DNAJC12: variants seen among roughly 807,000 people sequenced by gnomAD.
DNAJC12 encodes DnaJ heat shock protein family (Hsp40) member C12, also known as dnaJ homolog subfamily C member 12.
A neutral mutation model predicts 28.5 loss-of-function variants in DNAJC12; 25 were observed. The ratio of observed to expected loss-of-function variants is 0.88; its 90% confidence interval spans 0.64 to 1.22. The LOEUF (loss-of-function observed/expected upper bound fraction) is 1.22, where lower values mean the gene tolerates loss of function less well. DNAJC12 is among the 50% of genes most tolerant of loss of function. The pLI, the probability that DNAJC12 is intolerant of heterozygous loss-of-function variation, is 0.00. For missense variants in DNAJC12, 222 were observed against 231.7 expected, an observed-to-expected ratio of 0.96 and a Z score of 0.27; for synonymous variants, 77 against 80.6, an observed-to-expected ratio of 0.95 and a Z score of 0.24.
chr10:67,809,761 C>T (rs10997819), intron 3 of DNAJC12, among the ~76,000 whole-genome samples: 71,928 of 151,978 alleles, frequency 0.47, 21,287 homozygotes, highest in Non-Finnish European at 0.67. Context: ...ATTGTATGTT[C>T]TCCATTATAA....
At chr10:67,800,576 G>A (rs887918099) in intron 4 of DNAJC12, among the ~76,000 whole-genome samples, 2 of 152,162 alleles carry the variant, frequency 1.3e-5, no homozygotes, top group African/African-American at 4.8e-5. Context: ...GTTTGTGGCT[G>A]GAGCCACAAG....
chr10:67,799,079 A>G (rs1282630412), intron 4 of DNAJC12, among the ~76,000 whole-genome samples: 2 of 151,958 alleles, frequency 1.3e-5, no homozygotes, highest in Non-Finnish European at 2.9e-5. Context: ...TTCATTTTTA[A>G]TACTCTTTTT....
chr10:67,835,415 G>C (rs1842132697), intron 1 of DNAJC12, among the ~76,000 whole-genome samples: 1 of 152,138 alleles, frequency 6.6e-6, no homozygotes, highest in Admixed American at 6.5e-5. Context: ...AGAAAAGCCA[G>C]GTGCGGTGGC....
At chr10:67,820,365 A>G (rs1841970013) in intron 2 of DNAJC12, among the ~76,000 whole-genome samples, 1 of 152,236 alleles carries the variant, frequency 6.6e-6, no homozygotes, top group Admixed American at 6.5e-5. Flanking sequence ...AGCTACACAC[A>G]AAAGAGTACA....
chr10:67,819,511 C>G (rs922572896), intron 2 of DNAJC12, among the ~76,000 whole-genome samples: 1 of 150,684 alleles, frequency 6.6e-6, no homozygotes, highest in Non-Finnish European at 1.5e-5. Flanking sequence ...TGATGGCGCA[C>G]GCCTGTAATC....
chr10:67,819,363 G>C (rs925664365), intron 2 of DNAJC12, among the ~76,000 whole-genome samples: 1 of 151,722 alleles, frequency 6.6e-6, no homozygotes, highest in Non-Finnish European at 1.5e-5. Context: ...TTCGGGCTAG[G>C]CTCGGTGGCA....
intron 4 of DNAJC12, among the ~76,000 whole-genome samples, chr10:67,797,920 C>A (rs57963314): frequency 5.3e-5 from 8 of 151,280 alleles, no homozygotes; most frequent in African/African-American, 7.3e-5. Flanking sequence ...GGCGCCTGTA[C>A]TCCCAGCTAC....
At chr10:67,835,008 T>C (rs1255320008) in intron 1 of DNAJC12, among the ~76,000 whole-genome samples, 3 of 152,204 alleles carry the variant, frequency 2.0e-5, no homozygotes, top group Non-Finnish European at 4.4e-5. Flanking sequence ...TTTTCATGGT[T>C]GTATTTTCAA....
At chr10:67,821,644 T>C (rs1053049869) in intron 2 of DNAJC12, among the ~76,000 whole-genome samples, 4 of 152,208 alleles carry the variant, frequency 2.6e-5, no homozygotes, top group Non-Finnish European at 4.4e-5. Flanking sequence ...TCTGTTAGAG[T>C]ATTTTTTATT....
chr10:67,835,717 G>GACAC lies in DNAJC12; in HGVS notation c.78+2213_78+2216dup, dbSNP rs34238470. Among the ~76,000 whole-genome samples the GACAC allele has an allele frequency of 0.037, 4,423 of 118,996 alleles. 420 individuals carry two copies. The East Asian group carries it at 0.39, about 11-fold the overall frequency. 78.1% of individuals were successfully genotyped at this position (118,996 alleles called of 152,430 possible). A position where few individuals can be genotyped will look rare whatever the true frequency, so the allele number is the denominator to read the frequency against. On this transcript the variant is annotated intron_variant, in intron 1 of 4. Transcript: ENST00000225171. Reference sequence around the variant, plus strand: ...AAAACAAAAAAAAGAGAGAAAAAATGACACACACACACACACACACACACA... The same window carrying GACAC: ...AAAACAAAAAAAAGAGAGAAAAAATGACACACACACACACACACACACACACACA...
chr10:67,805,786 G>T lies in DNAJC12; in HGVS notation c.299C>A (p.Ser100Ter). Residue 100 changes from serine to a stop codon, truncating the protein, a stop_gained and splice_region_variant, in exon 4 of 5, where the codon TCA (serine) becomes TAA (stop). Transcript: ENST00000225171. LOFTEE classifies it high-confidence loss of function. The part of the protein sequence containing the change: ...WEALNDSVKT[S>*]MHWVVRGKKD... Reference sequence around the variant, plus strand: ...TTTACCTCTGACAACCCAGTGCATTGACTAAATTAATGTAAAGCAGAGATA... The same window carrying T: ...TTTACCTCTGACAACCCAGTGCATTTACTAAATTAATGTAAAGCAGAGATA... 6.4e-7 allele frequency: 1 copy of T among 1,566,734 alleles called. No homozygotes were observed. The highest frequency in any genetic ancestry group is 1.2e-5 in the South Asian group (1 of 81,840).
At chr10:67,800,047 A>G (rs1408868597) in intron 4 of DNAJC12, among the ~76,000 whole-genome samples, 1 of 151,826 alleles carries the variant, frequency 6.6e-6, no homozygotes, top group Non-Finnish European at 1.5e-5. Context: ...CCTGGGCAAC[A>G]TGGCGAAACC....
Position 67,819,658 on chromosome 10 carries a change from AAG to A in DNAJC12, c.157+3654_157+3655del, listed in dbSNP as rs368262566. Among the ~76,000 whole-genome samples, 198 of 76,464 alleles carry A rather than the reference AAG, an allele frequency of 2.6e-3. 3 individuals are homozygous for A. Among genetic ancestry groups the A allele is most frequent in the African/African-American group, 9.5e-3 (173 of 18,138 alleles). The allele number at this position is 76,464 out of a possible 152,430, so 50.2% of individuals were successfully genotyped here. ...TCACAAAAAAAGAAAGAAAGAAAGA[AAG>A]AGAAAGAAAGAAAGAAAGAAAGAAA... On this transcript the variant is annotated intron_variant, in intron 2 of 4. Coordinates refer to ENST00000225171, the MANE Select transcript of DNAJC12 (RefSeq NM_021800.3).
chr10:67,819,670 GAA>G (rs1203980906), intron 2 of DNAJC12, among the ~76,000 whole-genome samples: 1 of 6,142 alleles, frequency 1.6e-4, no homozygotes, highest in African/African-American at 5.9e-4. Context: ...GAGAAAGAAA[GAA>G]AGAAAGAAAG....
chr10:67,833,879 T>C, intron 1 of DNAJC12: 1 of 481,812 alleles, frequency 2.1e-6, no homozygotes, highest in Non-Finnish European at 4.3e-6. Flanking sequence ...TTTTTCAAAG[T>C]CTATCAAAAT....
intron 4 of DNAJC12, among the ~76,000 whole-genome samples, chr10:67,797,790 C>T (rs754410107): frequency 1.3e-5 from 2 of 152,104 alleles, no homozygotes; most frequent in Non-Finnish European, 2.9e-5. Context: ...CCTGTAATCC[C>T]AGCACTTTGG....
intron 1 of DNAJC12, chr10:67,834,039 C>CA (rs1159927781): frequency 2.2e-6 from 1 of 445,902 alleles, no homozygotes; most frequent in African/African-American, 2.1e-5. Flanking sequence ...TCATAGCAGC[C>CA]AAAATCAGTG....
chr10:67,832,315 G>A (rs1589051190), intron 1 of DNAJC12, among the ~76,000 whole-genome samples: 1 of 150,302 alleles, frequency 6.7e-6, no homozygotes, highest in Admixed American at 6.6e-5. Context: ...TTTTAATACT[G>A]ATTTAATTGA....
At chr10:67,800,892 G>A (rs1006297687) in intron 4 of DNAJC12, among the ~76,000 whole-genome samples, 2 of 151,738 alleles carry the variant, frequency 1.3e-5, no homozygotes, top group African/African-American at 2.4e-5. Context: ...GCAGTGAGCC[G>A]AGGTGGTGCC....
Sources: allele counts gnomAD v4.1 joint callset (sites outside exome capture counted in the v4.1 genomes callset), GRCh38; gene constraint gnomAD v4.1.1; transcripts MANE v1.5; gene names NCBI Gene and HGNC (gene_info 2026-07-23, HGNC 2026-07-21).